MYO16: variants seen among roughly 807,000 people sequenced by gnomAD.
MYO16 encodes unconventional myosin-XVI.
Under a neutral mutation model 205.3 loss-of-function variants are expected in MYO16, and 94 were observed. That is an observed-to-expected ratio of 0.46 (90% CI 0.39 to 0.54). MYO16 has a LOEUF of 0.54. Ranked by LOEUF, MYO16 falls within the 20% of genes least tolerant of loss-of-function variation. The pLI is 0.00. For missense variants in MYO16, 2,315 were observed against 2,387.5 expected (o/e 0.97, Z 0.63); for synonymous variants, 988 against 954.0 (o/e 1.04, Z -0.66).
chr13:109,137,445 C>A (rs904538351), intron 31 of MYO16, among the ~76,000 whole-genome samples: 1 of 152,234 alleles, frequency 6.6e-6, no homozygotes, highest in Non-Finnish European at 1.5e-5. Context: ...ATCTTCAGAG[C>A]AACTCTGTAA....
intron 9 of MYO16, among the ~76,000 whole-genome samples, chr13:108,837,007 G>A (rs1274976061): frequency 6.6e-6 from 1 of 152,206 alleles, no homozygotes; most frequent in Non-Finnish European, 1.5e-5. Context: ...GAGAACATGA[G>A]ATTTGGGAGG....
intron 28 of MYO16, among the ~76,000 whole-genome samples, chr13:109,117,534 CAT>C (rs1163938990): frequency 5.3e-4 from 78 of 147,560 alleles, no homozygotes; most frequent in Non-Finnish European, 2.4e-4. Flanking sequence ...TATACACACA[CAT>C]ATATATATAA....
intron 23 of MYO16, among the ~76,000 whole-genome samples, chr13:109,046,007 G>GCTCGCCCTCCCTCATGGCGGATC (rs1279924817): frequency 2.5e-4 from 38 of 151,822 alleles, no homozygotes; most frequent in African/African-American, 3.9e-4. Flanking sequence ...CACGGCGGAT[G>GCTCGCCCTCCCTCATGGCGGATC]CTCGCCCTCC....
intron 3 of MYO16, among the ~76,000 whole-genome samples, chr13:108,725,930 A>G (rs1884321663): frequency 6.6e-6 from 1 of 152,134 alleles, no homozygotes; most frequent in Admixed American, 6.5e-5. Flanking sequence ...TTTGCTGCCC[A>G]TCATTCAGAG....
chr13:108,551,282 C>G, the MYO16 span, among the ~76,000 whole-genome samples: 1 of 152,160 alleles, frequency 6.6e-6, no homozygotes, highest in Non-Finnish European at 1.5e-5. Flanking sequence ...GATGTATCCA[C>G]ACAGCTGAAG....
chr13:109,183,176 G>C (rs142064305), intron 34 of MYO16, among the ~76,000 whole-genome samples: 19 of 152,148 alleles, frequency 1.2e-4, no homozygotes, highest in African/African-American at 4.3e-4. Flanking sequence ...TATTTGGCGT[G>C]ATGCAATCCT....
At chr13:108,637,398 A>G (rs1838299506) in intron 1 of MYO16, among the ~76,000 whole-genome samples, 1 of 152,238 alleles carries the variant, frequency 6.6e-6, no homozygotes. Context: ...CAGACTCAGT[A>G]TCACATTAAA....
intron 1 of MYO16, among the ~76,000 whole-genome samples, chr13:108,605,994 G>A (rs942553588): frequency 6.6e-6 from 1 of 152,154 alleles, no homozygotes; most frequent in Non-Finnish European, 1.5e-5. Context: ...TGCAGATGAG[G>A]AACTTCTTGG....
intron 12 of MYO16, among the ~76,000 whole-genome samples, chr13:108,876,117 C>A (rs183387957): frequency 4.6e-5 from 7 of 150,754 alleles, no homozygotes; most frequent in Non-Finnish European, 1.0e-4. Context: ...ACAAGCTGGA[C>A]TAAAACTCCT....
At chr13:108,896,477 G>T (rs927724780) in intron 14 of MYO16, among the ~76,000 whole-genome samples, 1 of 152,004 alleles carries the variant, frequency 6.6e-6, no homozygotes, top group Non-Finnish European at 1.5e-5. Flanking sequence ...TAAAGTTTTT[G>T]TAAGGAATTA....
At chr13:108,883,010 T>C (rs774351848) in intron 12 of MYO16, 49 bp from the exon 13 acceptor site, 7 of 1,603,472 alleles carry the variant, frequency 4.4e-6, no homozygotes, top group African/African-American at 1.3e-5. Context: ...TGAGGAATAC[T>C]GGCGCCTTTT....
chr13:108,917,391 G>A (rs1881543181), intron 16 of MYO16, among the ~76,000 whole-genome samples: 1 of 152,200 alleles, frequency 6.6e-6, no homozygotes, highest in African/African-American at 2.4e-5. Context: ...GAGGCCCTGT[G>A]CTTTCCCCTG....
intron 32 of MYO16, among the ~76,000 whole-genome samples, chr13:109,157,242 CAAAAAAAAAAAAA>C (rs56176251): frequency 9.2e-6 from 1 of 108,162 alleles, no homozygotes; most frequent in African/African-American, 3.4e-5. Context: ...TTAGTATTTA[CAAAAAAAAAAAAA>C]AAAAAAAAAA....
At chr13:108,537,922 C>A in the MYO16 span, among the ~76,000 whole-genome samples, 3 of 152,112 alleles carry the variant, frequency 2.0e-5, no homozygotes, top group South Asian at 6.2e-4. Context: ...AATCCTTTGT[C>A]AGATGCATAG....
chr13:108,572,714 C>T, the MYO16 span, among the ~76,000 whole-genome samples: 9 of 152,156 alleles, frequency 5.9e-5, no homozygotes, highest in Non-Finnish European at 1.0e-4. Context: ...TTATATTCCT[C>T]ATGATTTCAA....
At chr13:109,185,823 T>A (rs568106928) in intron 34 of MYO16, among the ~76,000 whole-genome samples, 2 of 152,338 alleles carry the variant, frequency 1.3e-5, no homozygotes, top group South Asian at 4.1e-4. Context: ...AGCATAGGTG[T>A]ACTCATAAAT....
intron 27 of MYO16, among the ~76,000 whole-genome samples, chr13:109,065,220 G>T (rs1192219520): frequency 1.3e-5 from 2 of 152,132 alleles, no homozygotes; most frequent in Non-Finnish European, 2.9e-5. Context: ...GCTAGGCCTG[G>T]ACTTGGCACA....
intron 6 of MYO16, among the ~76,000 whole-genome samples, chr13:108,799,662 C>T (rs1008547341): frequency 3.9e-5 from 6 of 152,148 alleles, no homozygotes; most frequent in African/African-American, 9.7e-5. Context: ...CCCCAGCCCC[C>T]GAATTTTATC....
At chr13:108,802,919 A>T (rs1204921953) in intron 6 of MYO16, among the ~76,000 whole-genome samples, 1 of 152,044 alleles carries the variant, frequency 6.6e-6, no homozygotes, top group African/African-American at 2.4e-5. Flanking sequence ...AAATTGGGTT[A>T]TTTGTTTTCT....
Sources: gnomAD v4.1 joint callset for allele counts (sites outside exome capture counted in the v4.1 genomes callset) on GRCh38, gnomAD v4.1.1 for gene constraint, MANE v1.5 for transcripts, NCBI Gene and HGNC (gene_info 2026-07-23, HGNC 2026-07-21) for gene names.